Variants in ATXN1 observed in about 807,000 individuals in gnomAD.
ATXN1 encodes ataxin-1.
ATXN1 carries 8 observed loss-of-function variants against 56.4 expected under a neutral mutation model. That is an observed-to-expected ratio of 0.14 (90% CI 0.08 to 0.26). The LOEUF (loss-of-function observed/expected upper bound fraction) is 0.26. Ranked by LOEUF, ATXN1 falls within the 10% of genes least tolerant of loss-of-function variation. The pLI, the probability that ATXN1 is intolerant of heterozygous loss-of-function variation, is 1.00. For missense variants in ATXN1, 987 were observed against 1,106.5 expected (o/e 0.89, Z 1.53); for synonymous variants, 514 against 494.6 (o/e 1.04, Z -0.52).
intron 2 of ATXN1, among the ~76,000 whole-genome samples, chr6:16,699,419 G>A (rs1759235774): frequency 6.6e-6 from 1 of 152,204 alleles, no homozygotes; most frequent in Admixed American, 6.5e-5. Context: ...AGGTGAGGAT[G>A]GGAAAAGGGA....
intron 6 of ATXN1, among the ~76,000 whole-genome samples, chr6:16,389,979 A>G (rs1236540091): frequency 6.6e-6 from 1 of 152,184 alleles, no homozygotes; most frequent in East Asian, 1.9e-4. Flanking sequence ...TCATTTCCCA[A>G]AATTAGATTT....
At chr6:16,608,594 C>T (rs1214402356) in intron 3 of ATXN1, among the ~76,000 whole-genome samples, 1 of 152,178 alleles carries the variant, frequency 6.6e-6, no homozygotes, top group Non-Finnish European at 1.5e-5. Context: ...TAACCAGGCC[C>T]CAGCTGCCAA....
intron 2 of ATXN1, among the ~76,000 whole-genome samples, chr6:16,694,547 T>C (rs1759120696): frequency 6.6e-6 from 1 of 152,200 alleles, no homozygotes; most frequent in Non-Finnish European, 1.5e-5. Context: ...GGCTAAACCG[T>C]ATTATGGTTG....
In ATXN1 at chr6:16,536,145, A is replaced by C. The variant is rs1407689299; in HGVS notation, c.-360-13457T>G. Among the ~76,000 whole-genome samples the C allele has an allele frequency of 2.0e-5, 3 of 152,174 alleles. No individual in the cohort carries two copies. The South Asian group carries it at 6.2e-4, about 32-fold the overall frequency. On this transcript the variant is annotated intron_variant, in intron 4 of 7. Transcript: ENST00000436367. ...GATGGGAGGATTGCTTAAGCCCCGA[A>C]GGTCCAGTCTGCAGTGAGCTGAGAT...
At chr6:16,660,501 T>C (rs1581340720) in intron 2 of ATXN1, among the ~76,000 whole-genome samples, 2 of 152,208 alleles carry the variant, frequency 1.3e-5, no homozygotes, top group Non-Finnish European at 2.9e-5. Context: ...AGTCATGAAA[T>C]ATACTTTTTA....
At chr6:16,525,841 CA>C (rs938918475) in intron 4 of ATXN1, among the ~76,000 whole-genome samples, 1 of 150,954 alleles carries the variant, frequency 6.6e-6, no homozygotes, top group Non-Finnish European at 1.5e-5. Flanking sequence ...ACTATGCAGT[CA>C]AAAAAAGTGG....
Position 16,306,181 on chromosome 6 carries a change from C to T in ATXN1, c.*148G>A, listed in dbSNP as rs904723406. 11 of 1,031,494 alleles carry T rather than the reference C, an allele frequency of 1.1e-5. No homozygotes were observed. Among genetic ancestry groups the T allele is most frequent in the Admixed American group, 7.2e-5 (3 of 41,694 alleles). 63.9% of individuals were successfully genotyped at this position (1,031,494 alleles called of 1,614,324 possible). ...GCATATGCACCAGTCTCCTGCGACA[C>T]ACCTGCTGTAACTCTAATGACAAGG... is the stretch of plus-strand genomic sequence containing the variant. On this transcript the variant is annotated 3_prime_UTR_variant, in exon 8 of 8. Coordinates refer to ENST00000436367, the MANE Select transcript of ATXN1 (RefSeq NM_001128164.2). This position sits in a 1 kb window ranked among gnomAD's most constrained non-coding sequence, Gnocchi z 5.2.
chr6:16,384,866 C>T (rs964635167), intron 6 of ATXN1, among the ~76,000 whole-genome samples: 2 of 152,204 alleles, frequency 1.3e-5, no homozygotes, highest in Non-Finnish European at 2.9e-5. Context: ...TACACATTAT[C>T]CAGTCTCAGG....
chr6:16,449,113 G>A (rs1759693161), intron 6 of ATXN1, among the ~76,000 whole-genome samples: 1 of 151,948 alleles, frequency 6.6e-6, no homozygotes, highest in Admixed American at 6.6e-5. Context: ...CTGTTTCTCA[G>A]GTAGAAAGGT....
chr6:16,659,599 T>C (rs949393631), intron 2 of ATXN1, among the ~76,000 whole-genome samples: 7 of 152,240 alleles, frequency 4.6e-5, no homozygotes, highest in African/African-American at 1.7e-4. Context: ...TTGACATACC[T>C]CTTTTTAAAG....
intron 4 of ATXN1, among the ~76,000 whole-genome samples, chr6:16,562,372 C>CA (rs34385461): frequency 0.042 from 2,861 of 68,606 alleles, 48 homozygotes; most frequent in Middle Eastern, 0.17. Context: ...GATCTTGTCT[C>CA]AAAAAAAAAA....
intron 6 of ATXN1, among the ~76,000 whole-genome samples, chr6:16,399,739 T>C (rs2113533857): frequency 6.6e-6 from 1 of 152,274 alleles, no homozygotes; most frequent in South Asian, 2.1e-4. Flanking sequence ...AGGCCAGGAA[T>C]GCTGCTAAAT....
intron 3 of ATXN1, among the ~76,000 whole-genome samples, chr6:16,655,902 T>G (rs1036853648): frequency 6.6e-6 from 1 of 151,546 alleles, no homozygotes; most frequent in Non-Finnish European, 1.5e-5. Context: ...CCATCCTGGC[T>G]AACATGGTGA....
At position 16,644,528 on chromosome 6, in the gene ATXN1, A is replaced by G. The variant is rs1465667621; in HGVS notation, c.-489+13248T>C. Among the ~76,000 whole-genome samples the G allele has an allele frequency of 2.0e-5, 3 of 151,276 alleles. 1 individual carries two copies. The highest frequency in any genetic ancestry group is 6.6e-5 in the Admixed American group (1 of 15,192). Reference sequence around the variant, plus strand: ...GACTCCGTTTCAAAAAAAAAAAAAAAAAGGTTAAAATGGTAAATTTATGGT... The same window carrying G: ...GACTCCGTTTCAAAAAAAAAAAAAAGAAGGTTAAAATGGTAAATTTATGGT... On this transcript the variant is annotated intron_variant, in intron 3 of 7. Coordinates refer to ENST00000436367, the MANE Select transcript of ATXN1 (RefSeq NM_001128164.2).
chr6:16,528,300 CAAAAA>C (rs375416081), intron 4 of ATXN1, among the ~76,000 whole-genome samples: 2 of 74,448 alleles, frequency 2.7e-5, no homozygotes, highest in Admixed American at 1.5e-4. Flanking sequence ...GACTCCCTCT[CAAAAA>C]AAAAAAAAAA....
intron 6 of ATXN1, among the ~76,000 whole-genome samples, chr6:16,472,255 A>G (rs1760235047): frequency 6.6e-6 from 1 of 152,198 alleles, no homozygotes; most frequent in South Asian, 2.1e-4. Context: ...ATACATATTT[A>G]TAAAGAGAAA....
At chr6:16,743,895 T>G (rs2113515685) in intron 2 of ATXN1, among the ~76,000 whole-genome samples, 1 of 152,156 alleles carries the variant, frequency 6.6e-6, no homozygotes, top group East Asian at 1.9e-4. Context: ...GGGCAACATG[T>G]GAGTGATGAG....
At chr6:16,629,831 C>T (rs187941622) in intron 3 of ATXN1, among the ~76,000 whole-genome samples, 2,111 of 151,394 alleles carry the variant, frequency 0.014, 30 homozygotes, top group Middle Eastern at 0.028. Flanking sequence ...GCAGGAGAAT[C>T]GCTTGAACCC....
At chr6:16,632,582 T>C (rs1017778550) in intron 3 of ATXN1, among the ~76,000 whole-genome samples, 2 of 151,552 alleles carry the variant, frequency 1.3e-5, no homozygotes, top group African/African-American at 4.9e-5. Context: ...GGATGCGGGG[T>C]TGGGGGCTGT....
Sources: gnomAD v4.1 joint callset for allele counts (sites outside exome capture counted in the v4.1 genomes callset) on GRCh38, gnomAD v4.1.1 for gene constraint, Gnocchi (gnomAD v3.1) non-coding constraint, MANE v1.5 for transcripts, NCBI Gene and HGNC (gene_info 2026-07-23, HGNC 2026-07-21) for gene names.